The following BEAN1 variants were observed in gnomAD, a reference collection of about 807,000 sequenced individuals.
The protein encoded by BEAN1 is brain expressed associated with NEDD4 1, also known as protein BEAN1.
In BEAN1, 17 loss-of-function variants were observed where a neutral mutation model predicts 17.7. That is an observed-to-expected ratio of 0.96 (90% CI 0.66 to 1.44). BEAN1 has a LOEUF of 1.44. Among genes scored for constraint, BEAN1 ranks in the 40% most tolerant of loss-of-function variants. BEAN1 has a pLI of 0.00. For synonymous variants in BEAN1, 142 were observed against 151.8 expected (o/e 0.94, Z 0.47); for missense variants, 359 against 374.1 (o/e 0.96, Z 0.33).
intron 2 of BEAN1, among the ~76,000 whole-genome samples, chr16:66,458,934 C>T (rs1962976028): frequency 6.6e-6 from 1 of 152,258 alleles, no homozygotes; most frequent in African/African-American, 2.4e-5. Flanking sequence ...TGGACCCAGG[C>T]ACCGCTCCTG....
chr16:66,469,791 ACCGCCACC>A lies in BEAN1; in HGVS notation c.216_223del (p.His72GlnfsTer55). 6.5e-7 allele frequency: 1 copy of A among 1,533,850 alleles called. No individual in the cohort carries two copies. The highest frequency in any genetic ancestry group is 1.4e-5 in the African/African-American group (1 of 72,186). On this transcript the variant is annotated frameshift_variant, in exon 3 of 5. Coordinates refer to ENST00000536005, the MANE Select transcript of BEAN1 (RefSeq NM_001178020.3). LOFTEE classifies it high-confidence loss of function. ...CAGGCCCGGCTTCAGCGGCACCGCCACCGCCACCACCGCCACCACCACCACCATCATCA... is the reference window on the plus strand; with the variant it reads ...CAGGCCCGGCTTCAGCGGCACCGCCAACCGCCACCACCACCACCATCATCA...
Position 66,480,741 on chromosome 16 carries a change from C to T in BEAN1, c.596C>T (p.Thr199Ile). 1 of 1,551,606 alleles carries T rather than the reference C, an allele frequency of 6.4e-7. No individual in the cohort carries two copies. The highest frequency in any genetic ancestry group is 8.7e-7 in the Non-Finnish European group (1 of 1,146,956). ...SPGRHQQEQR[T>I]PAQGGLHTVS... ...GGCCGACACCAGCAGGAGCAGAGGA[C>T]CCCGGCCCAAGGTGGCCTTCACACG... The change falls in exon 5 of 5, where the codon ACC becomes ATC. Residue 199 changes from threonine to isoleucine, a missense_variant. By Grantham distance (89) the Thr-to-Ile change is moderately conservative (BLOSUM62 -1). Coordinates refer to ENST00000536005, the MANE Select transcript of BEAN1 (RefSeq NM_001178020.3).
At chr16:66,469,183 C>T (rs1030741598) in intron 2 of BEAN1, among the ~76,000 whole-genome samples, 4 of 152,260 alleles carry the variant, frequency 2.6e-5, no homozygotes, top group Non-Finnish European at 5.9e-5. Flanking sequence ...TCCCCCTGTG[C>T]ATCCCCCACT....
intron 4 of BEAN1, among the ~76,000 whole-genome samples, chr16:66,487,854 G>A (rs1228345136): frequency 1.3e-5 from 2 of 152,168 alleles, no homozygotes; most frequent in Admixed American, 6.5e-5. Context: ...CTCCCTGCCT[G>A]CACTGTTCCC....
At chr16:66,430,752 T>C (rs972166914) in intron 1 of BEAN1, among the ~76,000 whole-genome samples, 18 of 152,246 alleles carry the variant, frequency 1.2e-4, no homozygotes, top group African/African-American at 3.9e-4. Context: ...ATATATCTTA[T>C]TCATTTGTCT....
intron 1 of BEAN1, among the ~76,000 whole-genome samples, chr16:66,433,299 T>C (rs948150364): frequency 7.9e-5 from 12 of 152,022 alleles, no homozygotes; most frequent in Admixed American, 2.0e-4. Context: ...TTAGTAGAGA[T>C]AGGATTTCAC....
chr16:66,477,733 G>C, intron 4 of BEAN1, 23 bp downstream of exon 4: 2 of 1,523,462 alleles, frequency 1.3e-6, no homozygotes, highest in Non-Finnish European at 1.8e-6. Context: ...CATGGGGAAG[G>C]GGGCATCAGA....
At chr16:66,454,116 G>A (rs1962780296) in intron 2 of BEAN1, among the ~76,000 whole-genome samples, 2 of 152,146 alleles carry the variant, frequency 1.3e-5, no homozygotes, top group Admixed American at 6.5e-5. Context: ...AACATATTTT[G>A]TATGATTTAA....
chr16:66,436,656 G>C (rs1474905197), intron 1 of BEAN1, among the ~76,000 whole-genome samples: 1 of 151,242 alleles, frequency 6.6e-6, no homozygotes, highest in Non-Finnish European at 1.5e-5. Context: ...GCCCACTGCA[G>C]CCTTGACCTC....
At chr16:66,454,094 T>C (rs984820067) in intron 2 of BEAN1, among the ~76,000 whole-genome samples, 6 of 152,344 alleles carry the variant, frequency 3.9e-5, no homozygotes, top group African/African-American at 4.8e-5. Context: ...TCTAATTCCA[T>C]TGTGGTCAGA....
At chr16:66,436,266 C>CTTTTTT (rs560577711) in intron 1 of BEAN1, among the ~76,000 whole-genome samples, 245 of 120,562 alleles carry the variant, frequency 2.0e-3, no homozygotes, top group Non-Finnish European at 2.9e-3. Flanking sequence ...TTTTTCTTTT[C>CTTTTTT]TTTTTTTTTT....
chr16:66,494,157 C>T (rs148499392), downstream of BEAN1, among the ~76,000 whole-genome samples: 272 of 152,322 alleles, frequency 1.8e-3, 1 homozygote, highest in African/African-American at 6.2e-3. Flanking sequence ...AAATAGCTCT[C>T]ACTGTGATGT....
At position 66,480,586 on chromosome 16, in the gene BEAN1, C is replaced by G. The variant is rs1307982451; in HGVS notation, c.441C>G (p.Gly147=). The G allele has an allele frequency of 1.3e-6, 2 of 1,530,398 alleles. No individual in the cohort carries two copies. Among genetic ancestry groups the G allele is most frequent in the East Asian group, 4.9e-5 (2 of 40,492 alleles). The allele number at this position is 1,530,398 out of a possible 1,614,324, so 94.8% of individuals were successfully genotyped here. ...LRELYPDSPP[G]YEECVGPGAT... is the part of the protein sequence containing the mutation. ...ACTGAGGGAGCCTCTTCTCTCGTAG[C>G]TACGAGGAGTGTGTGGGGCCAGGGG... is the stretch of plus-strand genomic sequence containing the variant. The change falls in exon 5 of 5, where the codon GGC becomes GGG. Residue 147 remains glycine, a splice_region_variant and synonymous_variant. Transcript: ENST00000536005.
chr16:66,467,720 C>T (rs1963306407), intron 2 of BEAN1, among the ~76,000 whole-genome samples: 1 of 152,236 alleles, frequency 6.6e-6, no homozygotes, highest in East Asian at 1.9e-4. Context: ...GGCGCTCCCT[C>T]ACTCCAGTGC....
chr16:66,494,001 G>C (rs1251225460), downstream of BEAN1, among the ~76,000 whole-genome samples: 1 of 152,124 alleles, frequency 6.6e-6, no homozygotes, highest in East Asian at 1.9e-4. Context: ...GGTCTACCCA[G>C]GCTCCCCTGC....
Position 66,446,169 on chromosome 16 carries a change from C to T in BEAN1, c.25+8468C>T, listed in dbSNP as rs183485371. The stretch of plus-strand genomic sequence containing the variant: ...CTGATCTCCAGCCTGGGTGATAGAG[C>T]GAGACTCTTAGAGTGAGACTCTGTC... On this transcript the variant is annotated intron_variant, in intron 2 of 4. Coordinates refer to ENST00000536005, the MANE Select transcript of BEAN1 (RefSeq NM_001178020.3). Among the ~76,000 whole-genome samples the T allele has an allele frequency of 4.2e-4, 63 of 151,434 alleles. 1 individual carries two copies. In the East Asian group the frequency reaches 4.7e-3, roughly 11 times the overall value.
At chr16:66,489,070 T>A (rs544052046) in intron 4 of BEAN1, among the ~76,000 whole-genome samples, 1 of 150,972 alleles carries the variant, frequency 6.6e-6, no homozygotes, top group East Asian at 2.0e-4. Flanking sequence ...TACTTGGGAG[T>A]CTGAGACAGG....
At chr16:66,472,332 G>A (rs1341380986) in intron 3 of BEAN1, among the ~76,000 whole-genome samples, 9 of 152,258 alleles carry the variant, frequency 5.9e-5, no homozygotes, top group Non-Finnish European at 1.3e-4. Context: ...GCTCAGGCCT[G>A]GAGGAAGCGC....
intron 4 of BEAN1, among the ~76,000 whole-genome samples, chr16:66,489,357 T>A (rs1964133841): frequency 6.6e-6 from 1 of 152,192 alleles, no homozygotes; most frequent in Non-Finnish European, 1.5e-5. Context: ...GGACAAGTGA[T>A]GGGCAAAGGC....
Sources: gnomAD v4.1 joint callset for allele counts (sites outside exome capture counted in the v4.1 genomes callset) on GRCh38, gnomAD v4.1.1 for gene constraint, MANE v1.5 for transcripts, NCBI Gene and HGNC (gene_info 2026-07-23, HGNC 2026-07-21) for gene names.